PTPRT: variants seen among roughly 807,000 people sequenced by gnomAD.
The protein encoded by PTPRT is receptor-type tyrosine-protein phosphatase T.
PTPRT carries 56 observed loss-of-function variants against 176.8 expected under a neutral mutation model. That is an observed-to-expected ratio of 0.32 (90% CI 0.26 to 0.40). PTPRT has a LOEUF of 0.40. Ranked by LOEUF, PTPRT falls within the 10% of genes least tolerant of loss-of-function variation. PTPRT has a pLI of 1.00. For synonymous variants in PTPRT, 783 were observed against 739.0 expected, an observed-to-expected ratio of 1.06 and a Z score of -0.96; for missense variants, 1,540 against 1,908.2, an observed-to-expected ratio of 0.81 and a Z score of 3.60.
chr20:42,591,313 A>G (rs1226180579), intron 7 of PTPRT, among the ~76,000 whole-genome samples: 2 of 152,154 alleles, frequency 1.3e-5, no homozygotes, highest in Non-Finnish European at 2.9e-5. Flanking sequence ...ACTTCTATGA[A>G]GGTTGAAGAT....
chr20:42,301,467 T>A (rs2057466848), intron 12 of PTPRT, among the ~76,000 whole-genome samples: 1 of 152,232 alleles, frequency 6.6e-6, no homozygotes, highest in South Asian at 2.1e-4. Context: ...CCAGGTTTTT[T>A]TTTGTTATTG....
At chr20:42,190,876 G>A (rs1386560547) in intron 16 of PTPRT, among the ~76,000 whole-genome samples, 1 of 152,126 alleles carries the variant, frequency 6.6e-6, no homozygotes, top group Non-Finnish European at 1.5e-5. Flanking sequence ...GGCTGACCTA[G>A]GTTTGAGTTC....
downstream of PTPRT, among the ~76,000 whole-genome samples, chr20:42,072,262 A>G (rs1376662028): frequency 1.3e-5 from 2 of 152,238 alleles, no homozygotes; most frequent in African/African-American, 4.8e-5. Context: ...TAGAGCCCTT[A>G]GCCAACACAT....
At chr20:42,572,294 A>G (rs1255292626) in intron 7 of PTPRT, among the ~76,000 whole-genome samples, 2 of 152,126 alleles carry the variant, frequency 1.3e-5, no homozygotes, top group African/African-American at 4.8e-5. Flanking sequence ...GGTGGACACA[A>G]ACGTTCAGAC....
At chr20:42,825,594 C>T (rs1223180208) in intron 2 of PTPRT, among the ~76,000 whole-genome samples, 3 of 152,092 alleles carry the variant, frequency 2.0e-5, no homozygotes, top group Non-Finnish European at 2.9e-5. Flanking sequence ...TATAGAAAAA[C>T]GACTTGAGAA....
chr20:42,866,086 G>A (rs208273), intron 2 of PTPRT, among the ~76,000 whole-genome samples: 38,530 of 152,056 alleles, frequency 0.25, 4,930 homozygotes, highest in African/African-American at 0.28. Context: ...GCCACATGTT[G>A]GGATAGGACC....
chr20:42,676,187 G>A (rs75881533), intron 7 of PTPRT, among the ~76,000 whole-genome samples: 429 of 152,252 alleles, frequency 2.8e-3, no homozygotes, highest in Non-Finnish European at 4.7e-3. Flanking sequence ...GCATTTCTTA[G>A]CCATTTCACG....
At chr20:42,948,713 G>T (rs1413939063) in intron 1 of PTPRT, among the ~76,000 whole-genome samples, 2 of 152,108 alleles carry the variant, frequency 1.3e-5, no homozygotes, top group Admixed American at 1.3e-4. Context: ...ATGCTTGAAG[G>T]ACCCCACCCT....
chr20:43,170,578 A>C (rs573045918), intron 1 of PTPRT, among the ~76,000 whole-genome samples: 1 of 152,226 alleles, frequency 6.6e-6, no homozygotes, highest in Non-Finnish European at 1.5e-5. Context: ...GCGTGAGTTA[A>C]CAATTCTCCA....
chr20:42,835,489 TGTA>T (rs2078165450), intron 2 of PTPRT, among the ~76,000 whole-genome samples: 1 of 152,148 alleles, frequency 6.6e-6, no homozygotes. Flanking sequence ...TATTTGGAAA[TGTA>T]GTATTAAACG....
At chr20:43,176,992 C>T (rs1264314534) in intron 1 of PTPRT, among the ~76,000 whole-genome samples, 4 of 152,130 alleles carry the variant, frequency 2.6e-5, no homozygotes, top group Admixed American at 6.5e-5. Flanking sequence ...GTGTAGTCAC[C>T]GCACTCCCAT....
At chr20:43,137,831 G>A (rs11700246) in intron 1 of PTPRT, among the ~76,000 whole-genome samples, 12,677 of 152,184 alleles carry the variant, frequency 0.083, 745 homozygotes, top group East Asian at 0.26. Context: ...AGTGTGACAT[G>A]GCTGCCATAA....
intron 1 of PTPRT, among the ~76,000 whole-genome samples, chr20:43,162,204 C>T (rs961414507): frequency 1.3e-5 from 2 of 152,160 alleles, no homozygotes; most frequent in Non-Finnish European, 2.9e-5. Context: ...AAACTTTTCA[C>T]AAAATAGCAT....
At chr20:42,945,169 A>G (rs1402678030) in intron 1 of PTPRT, among the ~76,000 whole-genome samples, 1 of 150,874 alleles carries the variant, frequency 6.6e-6, no homozygotes, top group Non-Finnish European at 1.5e-5. Context: ...ATTTATTATA[A>G]TGTAACTCTA....
the PTPRT span, among the ~76,000 whole-genome samples, chr20:42,057,105 C>T: frequency 6.6e-6 from 1 of 152,196 alleles, no homozygotes; most frequent in South Asian, 2.1e-4. Flanking sequence ...ATATCTGCCT[C>T]CCGCACATCA....
intron 7 of PTPRT, among the ~76,000 whole-genome samples, chr20:42,563,048 A>G (rs143216314): frequency 2.0e-5 from 3 of 152,346 alleles, no homozygotes; most frequent in Middle Eastern, 3.4e-3. Context: ...AGGAAGAAAG[A>G]CTGAAATAAA....
chr20:42,885,688 C>T, intron 2 of PTPRT, 119 bp downstream of exon 2: 3 of 1,342,194 alleles, frequency 2.2e-6, no homozygotes, highest in Non-Finnish European at 3.0e-6. Flanking sequence ...AACTCACTAC[C>T]TACAGAGCTA....
intron 15 of PTPRT, among the ~76,000 whole-genome samples, chr20:42,214,884 C>A (rs1400078779): frequency 6.6e-6 from 1 of 152,226 alleles, no homozygotes; most frequent in Non-Finnish European, 1.5e-5. Context: ...GACTGAAATC[C>A]TGGCTCCATG....
intron 6 of PTPRT, among the ~76,000 whole-genome samples, chr20:42,711,440 T>C (rs1416604154): frequency 6.6e-6 from 1 of 152,034 alleles, no homozygotes; most frequent in Non-Finnish European, 1.5e-5. Context: ...GATCTGGTTG[T>C]TTAAAAGAGC....
Sources: allele counts gnomAD v4.1 joint callset (sites outside exome capture counted in the v4.1 genomes callset), GRCh38; gene constraint gnomAD v4.1.1; transcripts MANE v1.5; gene names NCBI Gene and HGNC (gene_info 2026-07-23, HGNC 2026-07-21).